The following LINGO2 variants were observed in gnomAD, a reference collection of about 807,000 sequenced individuals.
LINGO2 encodes the protein leucine-rich repeat and immunoglobulin-like domain-containing nogo receptor-interacting protein 2.
Under a neutral mutation model 30.6 loss-of-function variants are expected in LINGO2, and 14 were observed. That is an observed-to-expected ratio of 0.46 (90% CI 0.30 to 0.72). LINGO2 has a LOEUF of 0.72. Ranked by LOEUF, LINGO2 falls within the 30% of genes least tolerant of loss-of-function variation. LINGO2 has a pLI of 0.07. For missense variants in LINGO2, 729 were observed against 751.7 expected (o/e 0.97, Z 0.35); for synonymous variants, 317 against 288.5 (o/e 1.10, Z -1.00).
intron 3 of LINGO2, among the ~76,000 whole-genome samples, chr9:28,364,115 C>T (rs1255731719): frequency 6.6e-6 from 1 of 151,978 alleles, no homozygotes; most frequent in Non-Finnish European, 1.5e-5. Flanking sequence ...AGTCATAATT[C>T]TAAACTCCTT....
chr9:28,013,178 A>AAG (rs1294274378), intron 4 of LINGO2, among the ~76,000 whole-genome samples: 12 of 152,106 alleles, frequency 7.9e-5, no homozygotes, highest in African/African-American at 2.9e-4. Context: ...GGGATGATAA[A>AAG]AGACATTTTG....
At chr9:28,369,251 T>C (rs1820806606) in intron 3 of LINGO2, among the ~76,000 whole-genome samples, 1 of 152,216 alleles carries the variant, frequency 6.6e-6, no homozygotes, top group Non-Finnish European at 1.5e-5. Context: ...TCCATCCACT[T>C]AACATTTTTG....
At chr9:28,719,707 C>A in the LINGO2 span, among the ~76,000 whole-genome samples, 2 of 151,988 alleles carry the variant, frequency 1.3e-5, no homozygotes, top group Non-Finnish European at 2.9e-5. Context: ...GCTCTGAAAT[C>A]TGCATGTAAA....
chr9:28,514,730 G>T (rs1257101306), intron 1 of LINGO2, among the ~76,000 whole-genome samples: 1 of 152,192 alleles, frequency 6.6e-6, no homozygotes, highest in East Asian at 1.9e-4. Flanking sequence ...TAAAGAAGCT[G>T]CAGCAAGTTA....
chr9:28,734,401 C>T, the LINGO2 span, among the ~76,000 whole-genome samples: 1 of 152,138 alleles, frequency 6.6e-6, no homozygotes, highest in African/African-American at 2.4e-5. Context: ...ATTCCTGGAA[C>T]ATTCCTTTCA....
chr9:28,904,213 C>T, the LINGO2 span, among the ~76,000 whole-genome samples: 38 of 150,664 alleles, frequency 2.5e-4, no homozygotes, highest in Admixed American at 4.6e-4. Context: ...AAGGAATGCA[C>T]CTCAACACAA....
In LINGO2 at chr9:28,158,116, T is replaced by C. The variant is rs188521204; in HGVS notation, c.-87+137092A>G. On this transcript the variant is annotated intron_variant, in intron 4 of 5. Coordinates refer to ENST00000379992, the Ensembl canonical transcript of LINGO2. ...CATTTTCATGCTGCTAATAAAGACA[T>C]GCCCAGTCCTTCCACATGGCTGGGG... 2.0e-5 allele frequency among the ~76,000 whole-genome samples: 3 copies of C among 152,280 alleles called. No homozygotes were observed. The East Asian group carries it at 5.8e-4, about 29-fold the overall frequency.
chr9:28,925,330 T>C, the LINGO2 span, among the ~76,000 whole-genome samples: 1 of 152,168 alleles, frequency 6.6e-6, no homozygotes, highest in Non-Finnish European at 1.5e-5. Context: ...TGTAACTACA[T>C]GACTAACGAT....
In LINGO2 at chr9:28,405,128, A is replaced by G. The variant is rs1350609920; in HGVS notation, c.-278-32260T>C. On this transcript the variant is annotated intron_variant, in intron 2 of 5. Coordinates refer to ENST00000379992, the Ensembl canonical transcript of LINGO2. ...AATCCCTGCCAAGGGATCTTATTGT[A>G]GAAGTCTTTGATTAGGTTCACTGAC... Among the ~76,000 whole-genome samples the G allele has an allele frequency of 2.6e-5, 4 of 152,234 alleles. No homozygotes were observed. The East Asian group carries it at 7.7e-4, about 29-fold the overall frequency.
chr9:28,026,801 T>C (rs534349396), intron 4 of LINGO2, among the ~76,000 whole-genome samples: 9 of 152,342 alleles, frequency 5.9e-5, no homozygotes, highest in Admixed American at 2.6e-4. Flanking sequence ...CATTCTCTGC[T>C]CCTTGAACTA....
At position 28,130,689 on chromosome 9, in the gene LINGO2, C is replaced by G. The variant is rs1459270904; in HGVS notation, c.-86-118284G>C. Among the ~76,000 whole-genome samples the G allele has an allele frequency of 3.3e-5, 5 of 151,976 alleles. No homozygotes were observed. The highest frequency in any genetic ancestry group is 5.9e-5 in the Non-Finnish European group (4 of 67,990). The stretch of plus-strand genomic sequence containing the variant: ...TGGAAGCCAGAGGGTCAGAGAGTGA[C>G]CTTAGGGCTAGGATGGCCAGAGTTT... On this transcript the variant is annotated intron_variant, in intron 4 of 5. Transcript: ENST00000379992. The surrounding 1 kb of genome is among the most constrained non-coding windows in gnomAD (Gnocchi z 5.2).
chr9:29,171,898 T>A, the LINGO2 span, among the ~76,000 whole-genome samples: 2 of 151,838 alleles, frequency 1.3e-5, no homozygotes, highest in Admixed American at 1.3e-4. Context: ...TCAAAATACA[T>A]TGTGAGAATT....
At chr9:28,092,548 C>T (rs563811149) in intron 4 of LINGO2, among the ~76,000 whole-genome samples, 13 of 21,874 alleles carry the variant, frequency 5.9e-4, no homozygotes, top group Admixed American at 1.3e-3. Context: ...GCCTGTTGTG[C>T]GGTGGGGGGG....
chr9:28,448,918 A>G (rs886967385), intron 2 of LINGO2, among the ~76,000 whole-genome samples: 2 of 152,036 alleles, frequency 1.3e-5, no homozygotes, highest in South Asian at 2.1e-4. Flanking sequence ...GGGAACAAAG[A>G]AAAGCATTAC....
chr9:28,681,366 A>G, the LINGO2 span, among the ~76,000 whole-genome samples: 1 of 152,038 alleles, frequency 6.6e-6, no homozygotes, highest in African/African-American at 2.4e-5. Context: ...TCCTCTGAGA[A>G]GGGGCAATGA....
At chr9:28,785,272 A>G in the LINGO2 span, among the ~76,000 whole-genome samples, 1 of 152,170 alleles carries the variant, frequency 6.6e-6, no homozygotes, top group Non-Finnish European at 1.5e-5. Flanking sequence ...ATATAAACTC[A>G]ATGACATCAA....
At chr9:29,184,100 G>C in the LINGO2 span, among the ~76,000 whole-genome samples, 1 of 152,096 alleles carries the variant, frequency 6.6e-6, no homozygotes, top group Non-Finnish European at 1.5e-5. Flanking sequence ...AATTGGACAA[G>C]TATATACTTT....
At chr9:28,423,651 A>AT (rs1307382098) in intron 2 of LINGO2, among the ~76,000 whole-genome samples, 1 of 152,148 alleles carries the variant, frequency 6.6e-6, no homozygotes, top group African/African-American at 2.4e-5. Context: ...GTAGCTCTAC[A>AT]TATGTATAAA....
chr9:28,888,906 T>C, the LINGO2 span: 1 of 534,086 alleles, frequency 1.9e-6, no homozygotes, highest in Non-Finnish European at 3.8e-6. Flanking sequence ...AACTCATCAG[T>C]CTCCTGTTCA....
Sources: gnomAD v4.1 joint callset for allele counts (sites outside exome capture counted in the v4.1 genomes callset) on GRCh38, gnomAD v4.1.1 for gene constraint, Gnocchi (gnomAD v3.1) non-coding constraint, MANE v1.5 for transcripts, NCBI Gene and HGNC (gene_info 2026-07-23, HGNC 2026-07-21) for gene names.